Variants in ADARB1 observed in about 807,000 individuals in gnomAD.
ADARB1 encodes the protein double-stranded RNA-specific editase 1.
ADARB1 carries 10 observed loss-of-function variants against 52.4 expected under a neutral mutation model. That is an observed-to-expected ratio of 0.19 (90% CI 0.12 to 0.32). ADARB1 has a LOEUF of 0.32. Ranked by LOEUF, ADARB1 falls within the 10% of genes least tolerant of loss-of-function variation. The pLI is 1.00. For missense variants in ADARB1, 643 were observed against 922.3 expected (o/e 0.70, Z 3.92); for synonymous variants, 349 against 371.1 (o/e 0.94, Z 0.68).
At chr21:45,095,095 A>G (rs982751435) in intron 1 of ADARB1, among the ~76,000 whole-genome samples, 1 of 152,206 alleles carries the variant, frequency 6.6e-6, no homozygotes, top group African/African-American at 2.4e-5. Flanking sequence ...AGTGGCCTGT[A>G]TTTCGTCCTG....
rs1466465186 is a variant in ADARB1 at position 45,184,968 on chromosome 21, G to C, written c.1442G>C (p.Arg481Pro). 1 of 1,613,896 alleles carries C rather than the reference G, an allele frequency of 6.2e-7. No individual in the cohort carries two copies. The highest frequency in any genetic ancestry group is 8.5e-7 in the Non-Finnish European group (1 of 1,179,926). ...HPNRKARGQL[R>P]TKIESGEGTI... ...AATCGTAAAGCAAGAGGACAGCTAC[G>C]GACCAAAATAGAGTCTGGTGAGGGG... The change falls in exon 8 of 11, where the codon CGG (arginine) becomes CCG (proline). Residue 481 changes from arginine to proline, a missense_variant. By Grantham distance (103) the Arg-to-Pro change is moderately radical (BLOSUM62 -2). Around this residue, in one of 2 missense-constraint regions of ADARB1, gnomAD observed 263 missense variants for 475.8 expected, o/e 0.55. Transcript: ENST00000348831.
At chr21:45,158,793 A>G (rs2090806363) in intron 2 of ADARB1, among the ~76,000 whole-genome samples, 1 of 152,178 alleles carries the variant, frequency 6.6e-6, no homozygotes, top group South Asian at 2.1e-4. Flanking sequence ...TACAGGGCAT[A>G]CAATATTTTG....
In ADARB1 at chr21:45,137,651, C is replaced by CT. The variant is rs561195284; in HGVS notation, c.-48+9079dup. Reference sequence around the variant, plus strand: ...CTCTGCCTTGCCCCTGATTGAGGCTCTGAGGGTTCAGATACAGTCTCTGCC... The same window carrying CT: ...CTCTGCCTTGCCCCTGATTGAGGCTCTTGAGGGTTCAGATACAGTCTCTGCC... On this transcript the variant is annotated intron_variant, in intron 2 of 10. Coordinates refer to ENST00000348831, the MANE Select transcript of ADARB1 (RefSeq NM_001112.4). Among the ~76,000 whole-genome samples, 24 of 152,340 alleles carry CT rather than the reference C, an allele frequency of 1.6e-4. 1 individual carries two copies. In the East Asian group the frequency reaches 4.6e-3, roughly 29 times the overall value.
rs113130866 is a variant in ADARB1 at position 45,221,912 on chromosome 21, C to T, written c.1927-106C>T. 2 of 1,296,542 alleles carry T rather than the reference C, an allele frequency of 1.5e-6. No individual in the cohort carries two copies. Among genetic ancestry groups the T allele is most frequent in the African/African-American group, 3.0e-5 (2 of 67,432 alleles). The allele number at this position is 1,296,542 out of a possible 1,614,324, so 80.3% of individuals were successfully genotyped here. ...CGCCTTCCTCTGGGTTGCTTTCCCC[C>T]CAGAAGCCAATGCAGTTCTGAAGGC... On this transcript the variant is annotated intron_variant, in intron 10 of 10. Coordinates refer to ENST00000348831, the MANE Select transcript of ADARB1 (RefSeq NM_001112.4). This position sits in a 1 kb window ranked among gnomAD's most constrained non-coding sequence, Gnocchi z 4.9.
In ADARB1 at chr21:45,084,373, A is replaced by T. The variant is rs572775837; in HGVS notation, c.-220+9580A>T. Among the ~76,000 whole-genome samples the T allele has an allele frequency of 2.6e-5, 4 of 152,150 alleles. No homozygotes were observed. The South Asian group carries it at 8.3e-4, about 32-fold the overall frequency. The stretch of plus-strand genomic sequence containing the variant: ...GCAGAGAGTCCTGTCCCTTCTTTTG[A>T]CTCAGTAACTGTGGAAAGAGGTGAG... On this transcript the variant is annotated intron_variant, in intron 1 of 10. Coordinates refer to ENST00000348831, the MANE Select transcript of ADARB1 (RefSeq NM_001112.4).
At chr21:45,090,633 C>T (rs986016922) in intron 1 of ADARB1, among the ~76,000 whole-genome samples, 2 of 152,194 alleles carry the variant, frequency 1.3e-5, no homozygotes, top group Admixed American at 6.5e-5. Context: ...TGGTGACTCT[C>T]ATATCTGTGT....
intron 9 of ADARB1, among the ~76,000 whole-genome samples, chr21:45,206,241 A>T (rs1199433526): frequency 1.3e-5 from 2 of 152,220 alleles, no homozygotes; most frequent in Non-Finnish European, 2.9e-5. Context: ...AGATACTTAA[A>T]ACATTGCATG....
At chr21:45,130,663 T>A (rs2145838815) in intron 2 of ADARB1, among the ~76,000 whole-genome samples, 1 of 152,370 alleles carries the variant, frequency 6.6e-6, no homozygotes, top group East Asian at 1.9e-4. Flanking sequence ...CTGCACTGTC[T>A]GGTTTCCCTC....
rs77033783 is a variant in ADARB1, at chr21:45,221,828, C to G, written c.1927-190C>G. Among the ~76,000 whole-genome samples the G allele has an allele frequency of 3.4e-4, 52 of 152,318 alleles. 1 individual carries two copies. The East Asian group carries it at 9.3e-3, about 27-fold the overall frequency. On this transcript the variant is annotated intron_variant, in intron 10 of 10. Coordinates refer to ENST00000348831, the MANE Select transcript of ADARB1 (RefSeq NM_001112.4). The surrounding 1 kb of genome is among the most constrained non-coding windows in gnomAD (Gnocchi z 4.9). ...CAGCAAGACTGGAACTTGGCAATAA[C>G]TCAGCCCTTAGGAGACGCCGCACCT...
intron 1 of ADARB1, among the ~76,000 whole-genome samples, chr21:45,089,339 C>A (rs2086473312): frequency 1.3e-5 from 2 of 152,200 alleles, no homozygotes; most frequent in Admixed American, 6.5e-5. Flanking sequence ...GAAAAAGAAA[C>A]CCATGGCAGA....
intron 2 of ADARB1, among the ~76,000 whole-genome samples, chr21:45,140,386 G>A (rs896465287): frequency 6.6e-6 from 1 of 152,220 alleles, no homozygotes; most frequent in African/African-American, 2.4e-5. Context: ...CCATCAGATG[G>A]TTTGTATTCA....
chr21:45,098,261 C>CCCAT (rs10639226), intron 1 of ADARB1, among the ~76,000 whole-genome samples: 12,434 of 152,172 alleles, frequency 0.082, 578 homozygotes, highest in East Asian at 0.15. Flanking sequence ...TGACCCGGCT[C>CCCAT]CCATCTGTCT....
chr21:45,105,463 T>C (rs1418034272), intron 1 of ADARB1, among the ~76,000 whole-genome samples: 1 of 152,178 alleles, frequency 6.6e-6, no homozygotes, highest in Non-Finnish European at 1.5e-5. Context: ...TTGGTTTCAT[T>C]TTGGCCTAAG....
At chr21:45,101,520 A>G (rs1249481006) in intron 1 of ADARB1, among the ~76,000 whole-genome samples, 1 of 152,270 alleles carries the variant, frequency 6.6e-6, no homozygotes, top group Non-Finnish European at 1.5e-5. Flanking sequence ...TGATGTAACG[A>G]AAACCTTTTT....
At chr21:45,116,922 T>C (rs980259253) in intron 1 of ADARB1, 2 of 152,100 alleles carry the variant, frequency 1.3e-5, no homozygotes, top group Non-Finnish European at 2.9e-5. Flanking sequence ...GTTTTTTTTT[T>C]CTTTTCTCAG....
rs560979112 is a variant in ADARB1, at chr21:45,224,733, G to A, written c.*2536G>A. ...GGTTTCGGGGAGCCCTGGGCGGGGCGGCTGTGGGGAGGAAGGTGACGTGCA... is the reference window on the plus strand; with the variant it reads ...GGTTTCGGGGAGCCCTGGGCGGGGCAGCTGTGGGGAGGAAGGTGACGTGCA... On this transcript the variant is annotated 3_prime_UTR_variant, in exon 11 of 11. Transcript: ENST00000348831. The A allele has an allele frequency of 2.0e-6, 2 of 998,080 alleles. No homozygotes were observed. Among genetic ancestry groups the A allele is most frequent in the African/African-American group, 3.5e-5 (2 of 57,312 alleles). 61.8% of individuals were successfully genotyped at this position (998,080 alleles called of 1,614,324 possible).
chr21:45,139,651 G>T (rs578247074), intron 2 of ADARB1, among the ~76,000 whole-genome samples: 1 of 152,298 alleles, frequency 6.6e-6, no homozygotes, highest in East Asian at 1.9e-4. Context: ...GAGTGGTAGT[G>T]TGGGGCCGCG....
Position 45,131,979 on chromosome 21 carries a change from G to A in ADARB1, c.-48+3406G>A, listed in dbSNP as rs1001166776. ...CGGGTGGATGGTCAGGCCAATGAGG[G>A]CCTTCGAATGAAGCACATTATTGTA... On this transcript the variant is annotated intron_variant, in intron 2 of 10. Coordinates refer to ENST00000348831, the MANE Select transcript of ADARB1 (RefSeq NM_001112.4). Among the ~76,000 whole-genome samples, 12 of 152,336 alleles carry A rather than the reference G, an allele frequency of 7.9e-5. No homozygotes were observed. In the East Asian group the frequency reaches 1.9e-3, roughly 24 times the overall value.
rs374395892 is a variant in ADARB1, at chr21:45,140,643, G to T, written c.-48+12070G>T. Among the ~76,000 whole-genome samples the T allele has an allele frequency of 9.8e-5, 15 of 152,290 alleles. No individual in the cohort carries two copies. The East Asian group carries it at 2.1e-3, about 22-fold the overall frequency. On this transcript the variant is annotated intron_variant, in intron 2 of 10. Transcript: ENST00000348831. ...TCTGTGTGTGTGTGCGTGAGTGTATGTGTGTGTGCATTCCAGTGTGCGTCC... is the reference window on the plus strand; with the variant it reads ...TCTGTGTGTGTGTGCGTGAGTGTATTTGTGTGTGCATTCCAGTGTGCGTCC...
Sources: gnomAD v4.1 joint callset for allele counts (sites outside exome capture counted in the v4.1 genomes callset) on GRCh38, gnomAD v4.1.1 for gene constraint, gnomAD v4.1.1 regional missense constraint, Gnocchi (gnomAD v3.1) non-coding constraint, MANE v1.5 for transcripts, NCBI Gene and HGNC (gene_info 2026-07-23, HGNC 2026-07-21) for gene names.